Variants in LDAH observed in about 807,000 individuals in gnomAD.
LDAH encodes the protein lipid droplet associated hydrolase, also known as lipid droplet-associated hydrolase.
Under a neutral mutation model 29.6 loss-of-function variants are expected in LDAH, and 26 were observed. That is an observed-to-expected ratio of 0.88 (90% CI 0.64 to 1.22). LDAH has a LOEUF of 1.22. LDAH is among the 50% of genes most tolerant of loss of function. The pLI is 0.00. For missense variants in LDAH, 344 were observed against 387.3 expected (o/e 0.89, Z 0.94); for synonymous variants, 117 against 133.0 (o/e 0.88, Z 0.83).
intron 2 of LDAH, among the ~76,000 whole-genome samples, chr2:20,799,959 C>T (rs111368776): frequency 1.2e-4 from 18 of 152,030 alleles, no homozygotes; most frequent in African/African-American, 3.6e-4. Context: ...AACTCCTGGC[C>T]ACAGGATAAT....
intron 3 of LDAH, among the ~76,000 whole-genome samples, chr2:20,778,914 C>A (rs1023985182): frequency 1.5e-5 from 2 of 132,686 alleles, no homozygotes; most frequent in Non-Finnish European, 3.1e-5. Context: ...ACATATTTAA[C>A]TGCCATTCAT....
downstream of LDAH, among the ~76,000 whole-genome samples, chr2:20,683,455 T>C (rs1451811220): frequency 2.6e-5 from 4 of 152,354 alleles, no homozygotes; most frequent in Non-Finnish European, 5.9e-5. Flanking sequence ...AAATATATCC[T>C]TGCCTCTTCT....
chr2:20,757,158 A>G (rs1668394487), intron 4 of LDAH, among the ~76,000 whole-genome samples: 2 of 152,224 alleles, frequency 1.3e-5, no homozygotes, highest in African/African-American at 2.4e-5. Flanking sequence ...AACTTCAGAG[A>G]GGAGTGCTGA....
In LDAH at chr2:20,775,913, T is replaced by C. The variant is rs115511069; in HGVS notation, c.299-934A>G. Among the ~76,000 whole-genome samples the C allele has an allele frequency of 7.0e-3, 1,059 of 152,326 alleles. 18 individuals are homozygous for C. The highest frequency in any genetic ancestry group is 0.024 in the African/African-American group (993 of 41,572). On this transcript the variant is annotated intron_variant, in intron 3 of 6. Transcript: ENST00000237822. ...ATCTTTTCATGTGTCCTGTGACTAG[T>C]ACACAGCAAATGTTATGGCTGAATG... is the stretch of plus-strand genomic sequence containing the variant.
chr2:20,794,937 A>G (rs1387197607), intron 2 of LDAH, among the ~76,000 whole-genome samples: 1 of 152,224 alleles, frequency 6.6e-6, no homozygotes, highest in Non-Finnish European at 1.5e-5. Flanking sequence ...ACCATTGCAT[A>G]CAGTACTTCA....
chr2:20,789,553 C>T (rs1670800058), intron 3 of LDAH, among the ~76,000 whole-genome samples: 2 of 152,160 alleles, frequency 1.3e-5, no homozygotes, highest in Admixed American at 6.5e-5. Context: ...CCTTTGTTTA[C>T]CCCTTAGGTG....
chr2:20,749,460 G>A (rs1205471464), intron 4 of LDAH, among the ~76,000 whole-genome samples: 1 of 152,134 alleles, frequency 6.6e-6, no homozygotes, highest in African/African-American at 2.4e-5. Flanking sequence ...GTACTAAGAT[G>A]AGGCAAAGGT....
intron 4 of LDAH, among the ~76,000 whole-genome samples, chr2:20,766,337 C>G (rs1181476220): frequency 6.6e-6 from 1 of 152,182 alleles, no homozygotes; most frequent in Non-Finnish European, 1.5e-5. Context: ...ATATGATTTG[C>G]TCTGTCCAAT....
In LDAH at chr2:20,821,524, CCAAA is replaced by C. The variant is rs1306725395; in HGVS notation, c.-3+1509_-3+1512del. On this transcript the variant is annotated intron_variant, in intron 1 of 6. Transcript: ENST00000237822. ...AGCAAACTATCGCAAGGACAAAAAACCAAACACCACATGTTCTCACTCATAGGTG... is the reference window on the plus strand; with the variant it reads ...AGCAAACTATCGCAAGGACAAAAAACCACCACATGTTCTCACTCATAGGTG... Among the ~76,000 whole-genome samples, 4 of 152,254 alleles carry C rather than the reference CCAAA, an allele frequency of 2.6e-5. No individual in the cohort carries two copies. In the East Asian group the frequency reaches 7.7e-4, roughly 29 times the overall value.
chr2:20,793,850 G>C (rs1299119831), intron 2 of LDAH, among the ~76,000 whole-genome samples: 1 of 152,064 alleles, frequency 6.6e-6, no homozygotes, highest in Admixed American at 6.6e-5. Context: ...AAATTGATTG[G>C]ATTAATTAGA....
At chr2:20,808,751 A>G (rs1439977855) in intron 1 of LDAH, among the ~76,000 whole-genome samples, 1 of 152,186 alleles carries the variant, frequency 6.6e-6, no homozygotes, top group Non-Finnish European at 1.5e-5. Context: ...ATAAAAATAT[A>G]CCATTATTGA....
At chr2:20,733,195 G>C (rs1390054036) in intron 5 of LDAH, among the ~76,000 whole-genome samples, 2 of 151,776 alleles carry the variant, frequency 1.3e-5, no homozygotes, top group Non-Finnish European at 2.9e-5. Context: ...TTAATATGCT[G>C]TATTTTCATT....
chr2:20,692,349 A>T (rs1663096780), intron 6 of LDAH, among the ~76,000 whole-genome samples: 2 of 152,230 alleles, frequency 1.3e-5, no homozygotes, highest in African/African-American at 4.8e-5. Flanking sequence ...TTGGAGTTGC[A>T]TGCTTTTATG....
chr2:20,793,265 G>A (rs2125080954), intron 2 of LDAH, among the ~76,000 whole-genome samples: 1 of 152,168 alleles, frequency 6.6e-6, no homozygotes, highest in East Asian at 1.9e-4. Flanking sequence ...ACATGATAGA[G>A]AAGGGAAGAG....
chr2:20,747,633 T>TAAAC (rs1667667001), intron 4 of LDAH, among the ~76,000 whole-genome samples: 1 of 152,188 alleles, frequency 6.6e-6, no homozygotes, highest in Non-Finnish European at 1.5e-5. Context: ...AAGTATGCAG[T>TAAAC]TTATAAACTG....
At chr2:20,743,766 A>G (rs553418765) in intron 4 of LDAH, among the ~76,000 whole-genome samples, 1 of 151,480 alleles carries the variant, frequency 6.6e-6, no homozygotes, top group South Asian at 2.1e-4. Context: ...TAATTTAAGA[A>G]ATGTCTCTGT....
chr2:20,706,263 T>C (rs932177925), intron 5 of LDAH, among the ~76,000 whole-genome samples: 7 of 152,230 alleles, frequency 4.6e-5, no homozygotes, highest in African/African-American at 1.2e-4. Context: ...ACAGATTTTA[T>C]TGAAAGAGAA....
chr2:20,701,470 C>T lies in LDAH; in HGVS notation c.786+100G>A, dbSNP rs143659692. 3.1e-3 allele frequency: 2,956 copies of T among 949,576 alleles called. 7 individuals are homozygous for T. The highest frequency in any genetic ancestry group is 4.2e-3 in the Non-Finnish European group (2,505 of 597,420). The allele number at this position is 949,576 out of a possible 1,614,324, so 58.8% of individuals were successfully genotyped here. A position where few individuals can be genotyped will look rare whatever the true frequency, so the allele number is the denominator to read the frequency against. ...GTAGAACTCTATGTCATTCTACCAA[C>T]CCTTAAAGTCTTACAGATTCTAACT... On this transcript the variant is annotated intron_variant, in intron 6 of 6. Coordinates refer to ENST00000237822, the MANE Select transcript of LDAH (RefSeq NM_021925.4).
intron 4 of LDAH, among the ~76,000 whole-genome samples, chr2:20,747,437 T>C (rs667529): frequency 0.4 from 60,474 of 151,918 alleles, 12,730 homozygotes; most frequent in South Asian, 0.65. Flanking sequence ...GTGACTGCAA[T>C]ATTTGTAAGG....
Sources: allele counts gnomAD v4.1 joint callset (sites outside exome capture counted in the v4.1 genomes callset), GRCh38; gene constraint gnomAD v4.1.1; transcripts MANE v1.5; gene names NCBI Gene and HGNC (gene_info 2026-07-23, HGNC 2026-07-21).